FSTL5: variants seen among roughly 807,000 people sequenced by gnomAD.
The protein encoded by FSTL5 is follistatin like 5.
In FSTL5, 62 loss-of-function variants were observed where a neutral mutation model predicts 89.1. The observed-to-expected ratio is 0.70, with a 90% CI of 0.57 to 0.86. The LOEUF (loss-of-function observed/expected upper bound fraction) is 0.86, where lower values mean the gene tolerates loss of function less well. Ranked by LOEUF, FSTL5 falls within the 40% of genes least tolerant of loss-of-function variation. The pLI is 0.00. For missense variants in FSTL5, 1,057 were observed against 1,001.6 expected, an observed-to-expected ratio of 1.06 and a Z score of -0.75; for synonymous variants, 383 against 346.2, an observed-to-expected ratio of 1.11 and a Z score of -1.18.
chr4:161,392,444 T>A (rs552534426), intron 15 of FSTL5, among the ~76,000 whole-genome samples: 1 of 152,258 alleles, frequency 6.6e-6, no homozygotes, highest in South Asian at 2.1e-4. Flanking sequence ...AGGCTAGCCT[T>A]GAACTCCTGG....
intron 1 of FSTL5, among the ~76,000 whole-genome samples, chr4:162,133,683 G>T (rs751390592): frequency 9.9e-5 from 15 of 152,242 alleles, no homozygotes; most frequent in Middle Eastern, 6.8e-3. Context: ...GTGAATGAAT[G>T]AAAGTCTACC....
intron 11 of FSTL5, among the ~76,000 whole-genome samples, chr4:161,500,909 C>A (rs77809278): frequency 0.029 from 4,409 of 152,154 alleles, 142 homozygotes; most frequent in East Asian, 0.13. Flanking sequence ...CAGGGAACTT[C>A]CACATACTCA....
At chr4:162,029,513 G>A (rs1215410060) in intron 3 of FSTL5, among the ~76,000 whole-genome samples, 3 of 152,064 alleles carry the variant, frequency 2.0e-5, no homozygotes, top group Non-Finnish European at 4.4e-5. Context: ...TCATGGATAT[G>A]TTGTGCTAAT....
chr4:161,954,132 A>C (rs1734967859), intron 3 of FSTL5, among the ~76,000 whole-genome samples: 1 of 151,624 alleles, frequency 6.6e-6, no homozygotes, highest in Non-Finnish European at 1.5e-5. Context: ...CATTTAAAAC[A>C]AAAAAATGAA....
At chr4:161,977,634 A>ATAAT (rs1311771713) in intron 3 of FSTL5, among the ~76,000 whole-genome samples, 1 of 102,042 alleles carries the variant, frequency 9.8e-6, no homozygotes, top group Non-Finnish European at 2.2e-5. Context: ...AAAAAAAAAA[A>ATAAT]AAAAAAATAA....
intron 11 of FSTL5, among the ~76,000 whole-genome samples, chr4:161,501,038 T>C (rs189499461): frequency 3.8e-3 from 577 of 152,246 alleles, no homozygotes; most frequent in Non-Finnish European, 3.6e-3. Context: ...ACCTGTTATA[T>C]TGGTTTACAC....
At chr4:161,531,945 C>T (rs905465417) in intron 10 of FSTL5, among the ~76,000 whole-genome samples, 2 of 152,070 alleles carry the variant, frequency 1.3e-5, no homozygotes, top group Non-Finnish European at 2.9e-5. Flanking sequence ...TGGCTCACGC[C>T]TATAATCCCA....
At chr4:161,569,805 C>G (rs1046400032) in intron 8 of FSTL5, among the ~76,000 whole-genome samples, 1 of 150,800 alleles carries the variant, frequency 6.6e-6, no homozygotes, top group Non-Finnish European at 1.5e-5. Flanking sequence ...ACACACCCCA[C>G]ATTGTGGCTC....
chr4:162,102,382 A>G (rs947901046), intron 2 of FSTL5, among the ~76,000 whole-genome samples: 2 of 151,486 alleles, frequency 1.3e-5, no homozygotes, highest in African/African-American at 4.8e-5. Context: ...ATTCAACACA[A>G]ATAAGACAAA....
intron 3 of FSTL5, among the ~76,000 whole-genome samples, chr4:162,010,143 G>C (rs939414627): frequency 1.3e-5 from 2 of 151,950 alleles, no homozygotes; most frequent in African/African-American, 4.8e-5. Flanking sequence ...AGGAGTTCAG[G>C]AGACAGCACT....
At chr4:162,121,414 TG>T (rs543690953) in intron 1 of FSTL5, among the ~76,000 whole-genome samples, 151 of 152,140 alleles carry the variant, frequency 9.9e-4, no homozygotes, top group African/African-American at 3.5e-3. Context: ...AATATATTCA[TG>T]ATTCAATAGT....
chr4:162,058,056 A>G (rs999826257), intron 2 of FSTL5, among the ~76,000 whole-genome samples: 2 of 152,182 alleles, frequency 1.3e-5, no homozygotes, highest in African/African-American at 2.4e-5. Context: ...AAATGTTAGT[A>G]TCTAATTAAT....
At chr4:161,970,191 T>C (rs984681957) in intron 3 of FSTL5, among the ~76,000 whole-genome samples, 10 of 152,046 alleles carry the variant, frequency 6.6e-5, no homozygotes, top group Non-Finnish European at 1.3e-4. Flanking sequence ...CAGATGAAGG[T>C]AATGAGGACC....
At chr4:161,534,738 T>C (rs1227948190) in intron 10 of FSTL5, among the ~76,000 whole-genome samples, 4 of 152,120 alleles carry the variant, frequency 2.6e-5, no homozygotes, top group African/African-American at 9.6e-5. Flanking sequence ...TCAAATTCAT[T>C]TGGAACCAAA....
At chr4:161,438,766 T>C (rs536734804) in intron 15 of FSTL5, among the ~76,000 whole-genome samples, 2 of 152,266 alleles carry the variant, frequency 1.3e-5, no homozygotes, top group East Asian at 3.9e-4. Context: ...TTAATTTTTT[T>C]ACAAACTAAC....
At chr4:161,806,679 C>T (rs1350711028) in intron 4 of FSTL5, among the ~76,000 whole-genome samples, 1 of 151,672 alleles carries the variant, frequency 6.6e-6, no homozygotes, top group Non-Finnish European at 1.5e-5. Context: ...ATGCTTTTTG[C>T]AACATAGAAG....
At chr4:161,913,850 C>T (rs146959776) in intron 4 of FSTL5, among the ~76,000 whole-genome samples, 2,804 of 152,268 alleles carry the variant, frequency 0.018, 35 homozygotes, top group Non-Finnish European at 0.03. Context: ...TACCTGTACC[C>T]GCATTGTATC....
chr4:162,015,454 T>A (rs1395519682), intron 3 of FSTL5, among the ~76,000 whole-genome samples: 1 of 152,196 alleles, frequency 6.6e-6, no homozygotes, highest in Non-Finnish European at 1.5e-5. Flanking sequence ...GCTTCTTCTC[T>A]GATATTCATG....
At chr4:161,820,596 T>C (rs1256811017) in intron 4 of FSTL5, among the ~76,000 whole-genome samples, 1 of 152,150 alleles carries the variant, frequency 6.6e-6, no homozygotes, top group Admixed American at 6.5e-5. Context: ...ACATGGAAAA[T>C]TAGCAGTAGT....
Sources: gnomAD v4.1 joint callset for allele counts (sites outside exome capture counted in the v4.1 genomes callset) on GRCh38, gnomAD v4.1.1 for gene constraint, MANE v1.5 for transcripts, NCBI Gene and HGNC (gene_info 2026-07-23, HGNC 2026-07-21) for gene names.